Variants in SUMF1 observed in about 807,000 individuals in gnomAD.
SUMF1 encodes the protein sulfatase modifying factor 1, also known as formylglycine-generating enzyme.
SUMF1 carries 48 observed loss-of-function variants against 47.6 expected under a neutral mutation model. The observed-to-expected ratio is 1.01, with a 90% CI of 0.80 to 1.28. The LOEUF (loss-of-function observed/expected upper bound fraction) is 1.28, where lower values mean the gene tolerates loss of function less well. Among genes scored for constraint, SUMF1 ranks in the 50% most tolerant of loss-of-function variants. SUMF1 has a pLI of 0.00. For missense variants in SUMF1, 571 were observed against 485.4 expected (o/e 1.18, Z -1.66); for synonymous variants, 230 against 192.1 (o/e 1.20, Z -1.63).
At chr3:4,253,802 G>C (rs1193549603) in intron 8 of SUMF1, among the ~76,000 whole-genome samples, 1 of 144,762 alleles carries the variant, frequency 6.9e-6, no homozygotes, top group East Asian at 2.0e-4. Context: ...CTCCACCTCT[G>C]GGGGGCAGGG....
intron 8 of SUMF1, among the ~76,000 whole-genome samples, chr3:4,189,625 A>G (rs374083854): frequency 7.9e-5 from 12 of 152,098 alleles, no homozygotes; most frequent in East Asian, 3.8e-4. Flanking sequence ...CAAATGGTGG[A>G]GAAAGTTAAA....
At chr3:4,303,054 C>T (rs1698012126) in intron 8 of SUMF1, among the ~76,000 whole-genome samples, 1 of 152,176 alleles carries the variant, frequency 6.6e-6, no homozygotes, top group Non-Finnish European at 1.5e-5. Context: ...CACAAACGTG[C>T]AGTGAGCCCT....
intron 8 of SUMF1, among the ~76,000 whole-genome samples, chr3:4,232,424 C>G (rs972281019): frequency 6.6e-6 from 1 of 152,070 alleles, no homozygotes; most frequent in African/African-American, 2.4e-5. Flanking sequence ...CAGGGTTCAT[C>G]ACGTCAGTCC....
At chr3:4,260,757 A>G (rs1697068762) in intron 8 of SUMF1, among the ~76,000 whole-genome samples, 1 of 152,106 alleles carries the variant, frequency 6.6e-6, no homozygotes. Context: ...GAAAAATTTA[A>G]TACTGGCAGA....
chr3:4,307,167 C>G (rs1040010346), intron 8 of SUMF1, among the ~76,000 whole-genome samples: 12 of 152,144 alleles, frequency 7.9e-5, no homozygotes, highest in African/African-American at 2.7e-4. Context: ...AATTCAGAGG[C>G]CCAGGTTTTA....
chr3:4,314,044 C>T (rs1698535929), intron 8 of SUMF1: 6 of 523,524 alleles, frequency 1.1e-5, no homozygotes, highest in Admixed American at 7.2e-5. Context: ...GATATCCTGC[C>T]CTTCACCTCC....
chr3:4,390,349 G>T (rs964403), intron 7 of SUMF1, among the ~76,000 whole-genome samples: 46,888 of 152,066 alleles, frequency 0.31, 7,471 homozygotes, highest in East Asian at 0.41. Context: ...AAATACAGCT[G>T]CATGAGGGTA....
intron 3 of SUMF1, among the ~76,000 whole-genome samples, chr3:4,448,871 T>C (rs978493455): frequency 6.6e-6 from 1 of 152,208 alleles, no homozygotes; most frequent in African/African-American, 2.4e-5. Context: ...TTAAGGAAGC[T>C]CTATCTCCAC....
In SUMF1 at chr3:4,210,586, T is replaced by A. The variant is rs569760123; in HGVS notation, c.1015-141841A>T. Among the ~76,000 whole-genome samples the A allele has an allele frequency of 9.0e-4, 137 of 152,274 alleles. 1 individual carries two copies. Among genetic ancestry groups the A allele is most frequent in the Admixed American group, 6.1e-3 (93 of 15,296 alleles). ...AAACTATATGGAGAAAGAGGAACCT[T>A]GACTCTTAAATTCCACAATGCACAA... On this transcript the variant is annotated intron_variant and NMD_transcript_variant, in intron 8 of 12. Coordinates refer to the SUMF1 transcript ENST00000448413.
Position 4,467,201 on chromosome 3 carries a change from C to A in SUMF1, c.45G>T (p.Glu15Asp). The change falls in exon 1 of 9, where the codon GAG becomes GAT. Residue 15 changes from glutamate (E) to aspartate (D), a missense_variant. Glu to Asp is a conservative substitution (Grantham distance 45). Transcript: ENST00000272902. ...ALGLVCGRCPELGLVLLLLLL... is the reference protein window; with the variant it reads ...ALGLVCGRCPDLGLVLLLLLL... Reference sequence around the variant, plus strand: ...GCAGCAGCAAGAGGACGAGACCCAGCTCAGGGCAACGTCCACACACCAGCC... The same window carrying A: ...GCAGCAGCAAGAGGACGAGACCCAGATCAGGGCAACGTCCACACACCAGCC... The A allele has an allele frequency of 6.2e-7, 1 of 1,611,540 alleles. No homozygotes were observed. Among genetic ancestry groups the A allele is most frequent in the Admixed American group, 1.7e-5 (1 of 59,840 alleles).
chr3:4,065,575 A>G (rs1372362322), intron 9 of SUMF1, among the ~76,000 whole-genome samples: 2 of 152,158 alleles, frequency 1.3e-5, no homozygotes, highest in African/African-American at 4.8e-5. Context: ...GCATTCACAT[A>G]CATTATCTCA....
At chr3:4,168,801 T>G (rs1224376103) in intron 8 of SUMF1, among the ~76,000 whole-genome samples, 1 of 152,180 alleles carries the variant, frequency 6.6e-6, no homozygotes, top group African/African-American at 2.4e-5. Flanking sequence ...TGTGAAGCAC[T>G]TAGCACAGTG....
At chr3:4,384,668 C>G (rs1036764895) in intron 7 of SUMF1, among the ~76,000 whole-genome samples, 2 of 152,144 alleles carry the variant, frequency 1.3e-5, no homozygotes, top group African/African-American at 2.4e-5. Flanking sequence ...AACAATCTAT[C>G]CCTTATTACT....
intron 8 of SUMF1, among the ~76,000 whole-genome samples, chr3:4,271,561 G>A (rs1697305537): frequency 6.6e-6 from 1 of 152,150 alleles, no homozygotes; most frequent in Admixed American, 6.5e-5. Context: ...GAATGCAGTG[G>A]CGTGATGGCA....
chr3:4,329,652 A>G (rs571478915), intron 8 of SUMF1, among the ~76,000 whole-genome samples: 2 of 152,214 alleles, frequency 1.3e-5, no homozygotes, highest in South Asian at 2.1e-4. Flanking sequence ...GGCTGCCCTG[A>G]GGACTTCTGA....
At chr3:4,202,206 A>T (rs1695554734) in intron 8 of SUMF1, among the ~76,000 whole-genome samples, 2 of 151,674 alleles carry the variant, frequency 1.3e-5, no homozygotes, top group African/African-American at 4.8e-5. Flanking sequence ...AGTTTCTCCA[A>T]TTTTTTCTTT....
intron 8 of SUMF1, among the ~76,000 whole-genome samples, chr3:4,231,098 C>A (rs1215059823): frequency 6.6e-6 from 1 of 152,092 alleles, no homozygotes; most frequent in Non-Finnish European, 1.5e-5. Flanking sequence ...GAACAATTCA[C>A]CATGCCAGAG....
intron 8 of SUMF1, among the ~76,000 whole-genome samples, chr3:4,167,828 T>C (rs918551974): frequency 5.9e-5 from 9 of 152,162 alleles, no homozygotes; most frequent in South Asian, 2.1e-4. Flanking sequence ...GCTAACTACT[T>C]TTTAGATACA....
At chr3:4,269,920 G>A (rs1025476546) in intron 8 of SUMF1, among the ~76,000 whole-genome samples, 2 of 152,156 alleles carry the variant, frequency 1.3e-5, no homozygotes, top group Admixed American at 1.3e-4. Context: ...GTCTACAAGA[G>A]GGAACTTTTT....
Sources: allele counts gnomAD v4.1 joint callset (sites outside exome capture counted in the v4.1 genomes callset), GRCh38; gene constraint gnomAD v4.1.1; transcripts MANE v1.5; gene names NCBI Gene and HGNC (gene_info 2026-07-23, HGNC 2026-07-21).